The following OR2G2 variants were observed in gnomAD, a reference collection of about 807,000 sequenced individuals.
The protein encoded by OR2G2 is olfactory receptor 2G2.
For synonymous variants in OR2G2, 176 were observed against 152.4 expected (o/e 1.16, Z -1.14); for missense variants, 460 against 389.7 (o/e 1.18, Z -1.52).
chr1:247,588,884 C>T lies in OR2G2; in HGVS notation c.525C>T (p.Arg175=), dbSNP rs769274292. Residue 175 remains arginine (R), a synonymous_variant, in exon 1 of 1, where the codon CGC becomes CGT. Coordinates refer to ENST00000320065, the MANE Select transcript of OR2G2 (RefSeq NM_001001915.1). ...TGCAGCTGCCCTTCTGTGGGCATCG[C>T]CAAGTGGATCATTTCATCTGCGAGG... ...LTLQLPFCGH[R]QVDHFICEVP... is the part of the protein sequence containing the mutation. 7 of 1,614,200 alleles carry T rather than the reference C, an allele frequency of 4.3e-6. No homozygotes were observed. Among genetic ancestry groups the T allele is most frequent in the Middle Eastern group, 1.6e-4 (1 of 6,062 alleles).
At position 247,588,683 on chromosome 1, in the gene OR2G2, T is replaced by TC; in HGVS notation, c.324_325insC (p.Ala109ArgfsTer6). 1.9e-6 allele frequency: 3 copies of TC among 1,614,186 alleles called. No homozygotes were observed. Among genetic ancestry groups the TC allele is most frequent in the Non-Finnish European group, 2.5e-6 (3 of 1,179,996 alleles). On this transcript the variant is annotated frameshift_variant, in exon 1 of 1. Transcript: ENST00000320065. LOFTEE classifies it low-confidence loss of function (END_TRUNC). ...GTTTGGTTCACCTTTACAACTCCCA[T>TC]GCCCTGGGATCCACTGAGTGCGTCC...
Position 247,588,769 on chromosome 1 carries a change from T to C in OR2G2, c.410T>C (p.Val137Ala). 2 of 1,614,158 alleles carry C rather than the reference T, an allele frequency of 1.2e-6. No homozygotes were observed. Among genetic ancestry groups the C allele is most frequent in the Non-Finnish European group, 1.7e-6 (2 of 1,180,032 alleles). ...GTCTGCCGTCCTCTCCATTACACTGTCTTAATGCATATCCATCTCTGCATG... is the reference window on the plus strand; with the variant it reads ...GTCTGCCGTCCTCTCCATTACACTGCCTTAATGCATATCCATCTCTGCATG... ...VAVCRPLHYT[V>A]LMHIHLCMAL... Residue 137 changes from valine (V) to alanine (A), a missense_variant, in exon 1 of 1, where the codon GTC becomes GCC. Coordinates refer to ENST00000320065, the MANE Select transcript of OR2G2 (RefSeq NM_001001915.1).
Position 247,588,891 on chromosome 1 carries a change from G to C in OR2G2, c.532G>C (p.Asp178His). ...QLPFCGHRQV[D>H]HFICEVPVLI... ...GCCCTTCTGTGGGCATCGCCAAGTG[G>C]ATCATTTCATCTGCGAGGTCCCTGT... The change falls in exon 1 of 1, where the codon GAT (aspartate) becomes CAT (histidine). Residue 178 changes from aspartate (D) to histidine (H), a missense_variant. Coordinates refer to ENST00000320065, the MANE Select transcript of OR2G2 (RefSeq NM_001001915.1). 2.5e-6 allele frequency: 4 copies of C among 1,614,188 alleles called. No individual in the cohort carries two copies. The highest frequency in any genetic ancestry group is 3.4e-6 in the Non-Finnish European group (4 of 1,180,008).
chr1:247,588,669 C>G lies in OR2G2; in HGVS notation c.310C>G (p.Leu104Val). Residue 104 changes from leucine to valine, a missense_variant, in exon 1 of 1, where the codon CTT becomes GTT. Transcript: ENST00000320065. ...TIAYGGCLVH[L>V]YNSHALGSTE... is the part of the protein sequence containing the mutation. Reference sequence around the variant, plus strand: ...CGCCTATGGTGGCTGTTTGGTTCACCTTTACAACTCCCATGCCCTGGGATC... The same window carrying G: ...CGCCTATGGTGGCTGTTTGGTTCACGTTTACAACTCCCATGCCCTGGGATC... 1 of 1,614,196 alleles carries G rather than the reference C, an allele frequency of 6.2e-7. No individual in the cohort carries two copies. Among genetic ancestry groups the G allele is most frequent in the Non-Finnish European group, 8.5e-7 (1 of 1,180,020 alleles).
Position 247,588,379 on chromosome 1 carries a change from C to G in OR2G2, c.20C>G (p.Thr7Ser), listed in dbSNP as rs757678888. The G allele has an allele frequency of 1.2e-6, 2 of 1,607,116 alleles. No individual in the cohort carries two copies. The highest frequency in any genetic ancestry group is 1.7e-6 in the Non-Finnish European group (2 of 1,176,526). ...TTACATATGGGGATGGTGAGACATA[C>G]CAATGAGAGCAACCTAGCAGGTTTC... is the stretch of plus-strand genomic sequence containing the variant. MGMVRH[T>S]NESNLAGFIL... is the part of the protein sequence containing the mutation. Residue 7 changes from threonine (T) to serine (S), a missense_variant, in exon 1 of 1, where the codon ACC becomes AGC. Thr to Ser is a moderately conservative substitution (Grantham distance 58, BLOSUM62 1). Coordinates refer to ENST00000320065, the MANE Select transcript of OR2G2 (RefSeq NM_001001915.1).
rs199975925 is a variant in OR2G2 at position 247,589,247 on chromosome 1, G to A, written c.888G>A (p.Arg296=). The A allele has an allele frequency of 1.4e-5, 23 of 1,613,466 alleles. No individual in the cohort carries two copies. In the Admixed American group the frequency reaches 3.7e-4, roughly 26 times the overall value. Residue 296 remains arginine (R), a synonymous_variant, in exon 1 of 1, where the codon AGG becomes AGA. Coordinates refer to ENST00000320065, the MANE Select transcript of OR2G2 (RefSeq NM_001001915.1). ...TTAACCCTCTTATTTATACCTTGAG[G>A]ATCAAGGAGGTGAAAGGGGCATTAA... ...RMLNPLIYTL[R]IKEVKGALKK...
In OR2G2 at chr1:247,589,142, G is replaced by A. The variant is rs752147426; in HGVS notation, c.783G>A (p.Met261Ile). The A allele has an allele frequency of 6.2e-7, 1 of 1,614,178 alleles. No individual in the cohort carries two copies. The highest frequency in any genetic ancestry group is 1.1e-5 in the South Asian group (1 of 91,078). The part of the protein sequence containing the change: ...VTIFYGTIIF[M>I]YLQPAKSRSR... ...TCTTTTATGGAACCATCATCTTCAT[G>A]TATCTGCAGCCAGCCAAGAGTAGAT... The change falls in exon 1 of 1, where the codon ATG becomes ATA. Residue 261 changes from methionine (M) to isoleucine (I), a missense_variant. Coordinates refer to ENST00000320065, the MANE Select transcript of OR2G2 (RefSeq NM_001001915.1).
In OR2G2 at chr1:247,589,038, G is replaced by T. The variant is rs370574982; in HGVS notation, c.679G>T (p.Ala227Ser). The change falls in exon 1 of 1, where the codon GCA (alanine) becomes TCA (serine). Residue 227 changes from alanine (A) to serine (S), a missense_variant. By Grantham distance (99) the Ala-to-Ser change is moderately conservative. Transcript: ENST00000320065. ...GGTCTCCTCTGGCTACATTGCCCAC[G>T]CAGTGTTGAGGATTAAGTCAGCTAC... Reference protein sequence around the residue: ...ILVSSGYIAHAVLRIKSATRR... With the variant: ...ILVSSGYIAHSVLRIKSATRR... The T allele has an allele frequency of 6.2e-6, 10 of 1,614,044 alleles. No homozygotes were observed. Among genetic ancestry groups the T allele is most frequent in the Admixed American group, 1.7e-5 (1 of 60,004 alleles).
rs751057296 is a variant in OR2G2 at position 247,589,088 on chromosome 1, C to T, written c.729C>T (p.Thr243=). The change falls in exon 1 of 1, where the codon ACC becomes ACT. Residue 243 remains threonine (T), a synonymous_variant. Transcript: ENST00000320065. ...CCAGGAGACAGAAAGCATTCGGGAC[C>T]TGCTTCTCCCACCTGACAGTGGTCA... ...SATRRQKAFG[T]CFSHLTVVTI... The T allele has an allele frequency of 2.5e-6, 4 of 1,614,224 alleles. No homozygotes were observed. The highest frequency in any genetic ancestry group is 3.4e-6 in the Non-Finnish European group (4 of 1,180,036).
At position 247,588,615 on chromosome 1, in the gene OR2G2, GT is replaced by G; in HGVS notation, c.257del (p.Val86GlufsTer7). 1 of 1,614,078 alleles carries G rather than the reference GT, an allele frequency of 6.2e-7. No homozygotes were observed. The highest frequency in any genetic ancestry group is 8.5e-7 in the Non-Finnish European group (1 of 1,180,016). ...FTSSVIPQLL[V>X]NLWEPMKTIA... The stretch of plus-strand genomic sequence containing the variant: ...CAGCAGTGTTATTCCCCAGCTCCTG[GT>G]AAACCTGTGGGAACCCATGAAAACT... On this transcript the variant is annotated frameshift_variant, in exon 1 of 1. Transcript: ENST00000320065. LOFTEE classifies it low-confidence loss of function (END_TRUNC).
chr1:247,588,405 A>G lies in OR2G2; in HGVS notation c.46A>G (p.Ile16Val), dbSNP rs1572395553. 2 of 1,613,570 alleles carry G rather than the reference A, an allele frequency of 1.2e-6. No individual in the cohort carries two copies. The highest frequency in any genetic ancestry group is 8.5e-7 in the Non-Finnish European group (1 of 1,179,764). The stretch of plus-strand genomic sequence containing the variant: ...CAATGAGAGCAACCTAGCAGGTTTC[A>G]TCCTTTTAGGGTTTTCTGATTATCC... ...HTNESNLAGF[I>V]LLGFSDYPQL... is the part of the protein sequence containing the mutation. Residue 16 changes from isoleucine (I) to valine (V), a missense_variant, in exon 1 of 1, where the codon ATC (isoleucine) becomes GTC (valine). Transcript: ENST00000320065.
rs762619803 is a variant in OR2G2, at chr1:247,588,681, C to T, written c.322C>T (p.His108Tyr). 6.2e-7 allele frequency: 1 copy of T among 1,614,168 alleles called. No homozygotes were observed. The change falls in exon 1 of 1, where the codon CAT becomes TAT. Residue 108 changes from histidine to tyrosine, a missense_variant. His to Tyr is a moderately conservative substitution (Grantham distance 83). Coordinates refer to ENST00000320065, the MANE Select transcript of OR2G2 (RefSeq NM_001001915.1). ...GGCLVHLYNS[H>Y]ALGSTECVLP... ...CTGTTTGGTTCACCTTTACAACTCC[C>T]ATGCCCTGGGATCCACTGAGTGCGT...
At position 247,588,906 on chromosome 1, in the gene OR2G2, G is replaced by A. The variant is rs763315277; in HGVS notation, c.547G>A (p.Glu183Lys). 5.0e-6 allele frequency: 8 copies of A among 1,614,094 alleles called. No individual in the cohort carries two copies. The highest frequency in any genetic ancestry group is 2.7e-5 in the African/African-American group (2 of 74,926). Residue 183 changes from glutamate (E) to lysine (K), a missense_variant, in exon 1 of 1, where the codon GAG (glutamate) becomes AAG (lysine). Physicochemically the swap from Glu to Lys is moderately conservative, Grantham distance 56. Coordinates refer to ENST00000320065, the MANE Select transcript of OR2G2 (RefSeq NM_001001915.1). Reference protein sequence around the residue: ...GHRQVDHFICEVPVLIKLACV... With the variant: ...GHRQVDHFICKVPVLIKLACV... ...TCGCCAAGTGGATCATTTCATCTGCGAGGTCCCTGTGCTCATCAAGCTGGC... is the reference window on the plus strand; with the variant it reads ...TCGCCAAGTGGATCATTTCATCTGCAAGGTCCCTGTGCTCATCAAGCTGGC...
chr1:247,589,188 G>A lies in OR2G2; in HGVS notation c.829G>A (p.Val277Ile), dbSNP rs1362093689. ...TAGATCCAGGGACCAGGGCAAGTTT[G>A]TTTCTCTCTTCTACACTGTGGTAAC... The part of the protein sequence containing the change: ...KSRSRDQGKF[V>I]SLFYTVVTRM... Residue 277 changes from valine to isoleucine, a missense_variant, in exon 1 of 1, where the codon GTT becomes ATT. By Grantham distance (29) the Val-to-Ile change is conservative. Coordinates refer to ENST00000320065, the MANE Select transcript of OR2G2 (RefSeq NM_001001915.1). The A allele has an allele frequency of 3.1e-6, 5 of 1,613,932 alleles. No homozygotes were observed. The highest frequency in any genetic ancestry group is 3.4e-6 in the Non-Finnish European group (4 of 1,179,988).
rs1411756989 is a variant in OR2G2 at position 247,589,089 on chromosome 1, T to C, written c.730T>C (p.Cys244Arg). 5 of 1,614,096 alleles carry C rather than the reference T, an allele frequency of 3.1e-6. No individual in the cohort carries two copies. In the African/African-American group the frequency reaches 4.0e-5, roughly 13 times the overall value. Residue 244 changes from cysteine to arginine, a missense_variant, in exon 1 of 1, where the codon TGC (cysteine) becomes CGC (arginine). Cys to Arg is a radical substitution (Grantham distance 180, BLOSUM62 -3). Transcript: ENST00000320065. ...ATRRQKAFGT[C>R]FSHLTVVTIF... is the part of the protein sequence containing the mutation. Reference sequence around the variant, plus strand: ...CAGGAGACAGAAAGCATTCGGGACCTGCTTCTCCCACCTGACAGTGGTCAC... The same window carrying C: ...CAGGAGACAGAAAGCATTCGGGACCCGCTTCTCCCACCTGACAGTGGTCAC...
chr1:247,588,732 C>A lies in OR2G2; in HGVS notation c.373C>A (p.Arg125Ser), dbSNP rs200966810. 121 of 1,613,962 alleles carry A rather than the reference C, an allele frequency of 7.5e-5. No individual in the cohort carries two copies. Among genetic ancestry groups the A allele is most frequent in the Middle Eastern group, 3.3e-4 (2 of 6,084 alleles). The change falls in exon 1 of 1, where the codon CGC becomes AGC. Residue 125 changes from arginine to serine, a missense_variant. Physicochemically the swap from Arg to Ser is moderately radical, Grantham distance 110. Coordinates refer to ENST00000320065, the MANE Select transcript of OR2G2 (RefSeq NM_001001915.1). The part of the protein sequence containing the change: ...CVLPAVMSCD[R>S]YVAVCRPLHY... ...CCTCCCGGCTGTGATGTCCTGTGAC[C>A]GCTATGTGGCTGTCTGCCGTCCTCT...
In OR2G2 at chr1:247,589,125, G is replaced by A; in HGVS notation, c.766G>A (p.Gly256Arg). 2 of 1,614,190 alleles carry A rather than the reference G, an allele frequency of 1.2e-6. No homozygotes were observed. Among genetic ancestry groups the A allele is most frequent in the African/African-American group, 1.3e-5 (1 of 75,046 alleles). The change falls in exon 1 of 1, where the codon GGA (glycine) becomes AGA (arginine). Residue 256 changes from glycine (G) to arginine (R), a missense_variant. By Grantham distance (125) the Gly-to-Arg change is moderately radical. Coordinates refer to ENST00000320065, the MANE Select transcript of OR2G2 (RefSeq NM_001001915.1). ...CCTGACAGTGGTCACCATCTTTTATGGAACCATCATCTTCATGTATCTGCA... is the reference window on the plus strand; with the variant it reads ...CCTGACAGTGGTCACCATCTTTTATAGAACCATCATCTTCATGTATCTGCA... ...SHLTVVTIFY[G>R]TIIFMYLQPA...
In OR2G2 at chr1:247,588,497, C is replaced by G. The variant is rs1363076404; in HGVS notation, c.138C>G (p.Thr46=). 1 of 1,613,982 alleles carries G rather than the reference C, an allele frequency of 6.2e-7. No individual in the cohort carries two copies. The highest frequency in any genetic ancestry group is 1.1e-5 in the South Asian group (1 of 91,070). The change falls in exon 1 of 1, where the codon ACC becomes ACG. Residue 46 remains threonine (T), a synonymous_variant. Coordinates refer to ENST00000320065, the MANE Select transcript of OR2G2 (RefSeq NM_001001915.1). The part of the protein sequence containing the change: ...ILYLLTILGN[T]TIILVSRLEP... ...ATTTACTAACTATTTTGGGGAATAC[C>G]ACCATCATTCTGGTTTCTCGTCTGG...
Position 247,588,881 on chromosome 1 carries a change from T to C in OR2G2, c.522T>C (p.His174=). The change falls in exon 1 of 1, where the codon CAT becomes CAC. Residue 174 remains histidine (H), a synonymous_variant. Transcript: ENST00000320065. ...TLTLQLPFCG[H]RQVDHFICEV... ...CCCTGCAGCTGCCCTTCTGTGGGCA[T>C]CGCCAAGTGGATCATTTCATCTGCG... 6.2e-7 allele frequency: 1 copy of C among 1,614,206 alleles called. No homozygotes were observed. Among genetic ancestry groups the C allele is most frequent in the South Asian group, 1.1e-5 (1 of 91,084 alleles).
Sources: allele counts gnomAD v4.1 joint callset, GRCh38; gene constraint gnomAD v4.1.1; transcripts MANE v1.5; gene names NCBI Gene and HGNC (gene_info 2026-07-23, HGNC 2026-07-21).